TBC1D22A: variants seen among roughly 807,000 people sequenced by gnomAD.
TBC1D22A encodes the protein putative GTPase activator.
Under a neutral mutation model 60.2 loss-of-function variants are expected in TBC1D22A, and 38 were observed. The ratio of observed to expected loss-of-function variants is 0.63; its 90% CI spans 0.49 to 0.83. The LOEUF (loss-of-function observed/expected upper bound fraction) is 0.83, where lower values mean the gene tolerates loss of function less well. Among genes scored for constraint, TBC1D22A ranks in the 40% least tolerant of loss-of-function variants. The pLI, the probability that TBC1D22A is intolerant of heterozygous loss-of-function variation, is 0.00. For missense variants in TBC1D22A, 628 were observed against 701.0 expected (o/e 0.90, Z 1.18); for synonymous variants, 302 against 281.7 (o/e 1.07, Z -0.72).
At chr22:46,806,472 T>C (rs2085143630) in intron 4 of TBC1D22A, among the ~76,000 whole-genome samples, 1 of 150,858 alleles carries the variant, frequency 6.6e-6, no homozygotes. Context: ...TTTAAATTCC[T>C]TGGAGTCTAT....
At chr22:47,084,080 C>T (rs1188215097) in intron 11 of TBC1D22A, among the ~76,000 whole-genome samples, 2 of 152,230 alleles carry the variant, frequency 1.3e-5, no homozygotes. Context: ...TGATGAGGTG[C>T]ATTCTCTACG....
chr22:46,941,108 TACACACACACACACACAC>T (rs145138507), intron 8 of TBC1D22A, among the ~76,000 whole-genome samples: 21 of 77,460 alleles, frequency 2.7e-4, no homozygotes, highest in African/African-American at 3.9e-4. Context: ...GGCACTAGCA[TACACACACACACACACAC>T]ACACACACAC....
intron 4 of TBC1D22A, among the ~76,000 whole-genome samples, chr22:46,809,812 T>C (rs1178607746): frequency 2.6e-5 from 4 of 152,304 alleles, no homozygotes; most frequent in Middle Eastern, 3.4e-3. Context: ...ACCGTCGTTT[T>C]CCTGTGTGTC....
In TBC1D22A at chr22:46,793,511, T is replaced by G; in HGVS notation, c.130T>G (p.Ser44Ala). The change falls in exon 3 of 13, where the codon TCC becomes GCC. Residue 44 changes from serine (S) to alanine (A), a missense_variant. Physicochemically the swap from Ser to Ala is moderately conservative, Grantham distance 99. Coordinates refer to ENST00000337137, the MANE Select transcript of TBC1D22A (RefSeq NM_014346.5). ...DPLLHGTLLR[S>A]TAKMPTTPVK... ...GCCTTTGCATTGCAGTTTGCTCAGG[T>G]CCACGGCCAAGATGCCGACCACACC... 1 of 1,614,172 alleles carries G rather than the reference T, an allele frequency of 6.2e-7. No individual in the cohort carries two copies. The highest frequency in any genetic ancestry group is 8.5e-7 in the Non-Finnish European group (1 of 1,180,032).
intron 8 of TBC1D22A, among the ~76,000 whole-genome samples, chr22:46,952,777 C>T (rs1013285891): frequency 1.3e-5 from 2 of 152,180 alleles, no homozygotes; most frequent in African/African-American, 2.4e-5. Flanking sequence ...TGGATTCTCT[C>T]TCTCAACCCC....
chr22:47,162,725 A>AT, intron 12 of TBC1D22A, among the ~76,000 whole-genome samples: 1 of 122,534 alleles, frequency 8.2e-6, no homozygotes, highest in African/African-American at 3.4e-5. Flanking sequence ...GAGTCGTGGG[A>AT]ATGGGACTGC....
At chr22:46,892,456 A>G (rs1469716936) in intron 6 of TBC1D22A, among the ~76,000 whole-genome samples, 1 of 152,220 alleles carries the variant, frequency 6.6e-6, no homozygotes, top group African/African-American at 2.4e-5. Flanking sequence ...CAAAGCAGCC[A>G]TCTCCATTTC....
chr22:46,795,111 A>T (rs2084595573), intron 3 of TBC1D22A, among the ~76,000 whole-genome samples: 1 of 152,252 alleles, frequency 6.6e-6, no homozygotes, highest in Non-Finnish European at 1.5e-5. Context: ...TAAATTTTAA[A>T]GTCTTTGAAC....
chr22:46,848,103 G>T, intron 4 of TBC1D22A, among the ~76,000 whole-genome samples: 1 of 152,258 alleles, frequency 6.6e-6, no homozygotes, highest in Admixed American at 6.5e-5. Context: ...ATCTAAGTTA[G>T]TTGGATGATG....
chr22:47,044,920 T>G (rs753615017), intron 11 of TBC1D22A, among the ~76,000 whole-genome samples: 16 of 152,316 alleles, frequency 1.1e-4, no homozygotes, highest in South Asian at 6.2e-4. Context: ...GATGGTTTCT[T>G]CCCCCTGCAG....
At chr22:46,903,098 C>G (rs1193413912) in intron 7 of TBC1D22A, among the ~76,000 whole-genome samples, 1 of 152,164 alleles carries the variant, frequency 6.6e-6, no homozygotes, top group Non-Finnish European at 1.5e-5. Context: ...GTGGATCTCT[C>G]CCTGGTGCAC....
At chr22:47,076,376 TATATAC>T (rs1412734588) in intron 11 of TBC1D22A, among the ~76,000 whole-genome samples, 2 of 105,610 alleles carry the variant, frequency 1.9e-5, no homozygotes, top group African/African-American at 8.3e-5. Context: ...TATATATATA[TATATAC>T]ACACACACAC....
rs1400325461 is a variant in TBC1D22A at position 46,990,546 on chromosome 22, A to G, written c.1126-7088A>G. ...TCAACTAAAGTCCACAGTTTACACC[A>G]GTTGTAGGCCGTGGGTTTTGAAAGG... On this transcript the variant is annotated intron_variant, in intron 9 of 12. Transcript: ENST00000337137. This position sits in a 1 kb window ranked among gnomAD's most constrained non-coding sequence, Gnocchi z 4.6. Among the ~76,000 whole-genome samples, 3 of 152,220 alleles carry G rather than the reference A, an allele frequency of 2.0e-5. No homozygotes were observed. In the East Asian group the frequency reaches 5.8e-4, roughly 29 times the overall value.
Position 46,890,854 on chromosome 22 carries a change from C to T in TBC1D22A, c.709-412C>T, listed in dbSNP as rs148015868. 4.4e-3 allele frequency among the ~76,000 whole-genome samples: 665 copies of T among 152,136 alleles called. 4 individuals are homozygous for T. Among genetic ancestry groups the T allele is most frequent in the Non-Finnish European group, 6.1e-3 (416 of 67,992 alleles). On this transcript the variant is annotated intron_variant, in intron 5 of 12. Coordinates refer to ENST00000337137, the MANE Select transcript of TBC1D22A (RefSeq NM_014346.5). The stretch of plus-strand genomic sequence containing the variant: ...TGTGTGTGTGCGTGGGGTGTGTGTG[C>T]GTGGTTGCTGTTAGAAGACAGTTCA...
intron 8 of TBC1D22A, among the ~76,000 whole-genome samples, chr22:46,958,918 A>G (rs1417948518): frequency 6.6e-6 from 1 of 152,134 alleles, no homozygotes; most frequent in Non-Finnish European, 1.5e-5. Context: ...ATGCATGGAG[A>G]CACAAGATGT....
intron 4 of TBC1D22A, among the ~76,000 whole-genome samples, chr22:46,866,147 C>G (rs2067041132): frequency 6.6e-6 from 1 of 152,188 alleles, no homozygotes. Flanking sequence ...CTCTGTCACC[C>G]AGGCTGCAGT....
chr22:46,942,293 A>G (rs1158803062), intron 8 of TBC1D22A, among the ~76,000 whole-genome samples: 1 of 152,040 alleles, frequency 6.6e-6, no homozygotes, highest in Non-Finnish European at 1.5e-5. Context: ...AGTAAATAGG[A>G]AAAAATCCTG....
chr22:46,926,208 A>T (rs1359928301), intron 8 of TBC1D22A, among the ~76,000 whole-genome samples: 1 of 152,184 alleles, frequency 6.6e-6, no homozygotes. Context: ...GACTATATTA[A>T]AAAAGACCTC....
chr22:46,990,436 G>T lies in TBC1D22A; in HGVS notation c.1126-7198G>T, dbSNP rs908598916. Among the ~76,000 whole-genome samples the T allele has an allele frequency of 6.6e-6, 1 of 152,070 alleles. No individual in the cohort carries two copies. Among genetic ancestry groups the T allele is most frequent in the Non-Finnish European group, 1.5e-5 (1 of 68,014 alleles). ...TCCTCAGCGTCCTCCTTCAGCCCCA[G>T]CCTCCCTGTGATTAGTATCTCACAT... is the stretch of plus-strand genomic sequence containing the variant. On this transcript the variant is annotated intron_variant, in intron 9 of 12. Coordinates refer to ENST00000337137, the MANE Select transcript of TBC1D22A (RefSeq NM_014346.5). This position sits in a 1 kb window ranked among gnomAD's most constrained non-coding sequence, Gnocchi z 4.6.
Sources: gnomAD v4.1 joint callset for allele counts (sites outside exome capture counted in the v4.1 genomes callset) on GRCh38, gnomAD v4.1.1 for gene constraint, Gnocchi (gnomAD v3.1) non-coding constraint, MANE v1.5 for transcripts, NCBI Gene and HGNC (gene_info 2026-07-23, HGNC 2026-07-21) for gene names.